Variants in F9 observed in about 807,000 individuals in gnomAD.
F9 encodes the protein Christmas factor.
F9 carries 2 observed loss-of-function variants against 34.1 expected under a neutral mutation model. The ratio of observed to expected loss-of-function variants is 0.06; its 90% confidence interval spans 0.02 to 0.18. The LOEUF (loss-of-function observed/expected upper bound fraction) is 0.18, where lower values mean the gene tolerates loss of function less well. Among genes scored for constraint, F9 ranks in the 10% least tolerant of loss-of-function variants. The pLI is 1.00. For synonymous variants in F9, 137 were observed against 118.8 expected (o/e 1.15, Z -1.00); for missense variants, 216 against 345.1 (o/e 0.63, Z 2.96).
At chrX:139,558,041 T>G (rs1027289849) in intron 6 of F9, among the ~76,000 whole-genome samples, 4 of 112,693 alleles carry the variant, frequency 3.5e-5, no homozygotes, top group African/African-American at 9.7e-5. Context: ...CACCCCATGG[T>G]GCCCAGACAT....
At chrX:139,551,552 G>C (rs756750901) in intron 6 of F9, among the ~76,000 whole-genome samples, 12 of 111,392 alleles carry the variant, frequency 1.1e-4, no homozygotes, top group African/African-American at 3.6e-4. Context: ...AAGAAAGGTC[G>C]CAGGTACTCA....
chrX:139,553,466 C>G (rs1413960401), intron 6 of F9, among the ~76,000 whole-genome samples: 1 of 111,612 alleles, frequency 9.0e-6, no homozygotes, highest in Non-Finnish European at 1.9e-5. Flanking sequence ...ATGGTTACAA[C>G]AAAAGATCCT....
chrX:139,539,116 TAA>T (rs926697100), intron 3 of F9, among the ~76,000 whole-genome samples: 131 of 111,871 alleles, frequency 1.2e-3, no homozygotes, highest in African/African-American at 4.1e-3. Context: ...ACTCATCACA[TAA>T]AGAGCCTGGT....
intron 4 of F9, chrX:139,544,861 TTGTC>T (rs1927680125): frequency 8.9e-6 from 1 of 111,926 alleles, no homozygotes; most frequent in Non-Finnish European, 1.9e-5. Flanking sequence ...GTGAAAGAAT[TTGTC>T]TGTCAGTATC....
chrX:139,551,095 A>T lies in F9; in HGVS notation c.554A>T (p.Gln185Leu). The T allele has an allele frequency of 8.3e-7, 1 of 1,211,779 alleles. No individual in the cohort carries two copies. Among genetic ancestry groups the T allele is most frequent in the Non-Finnish European group, 1.1e-6 (1 of 895,410 alleles). Residue 185 changes from glutamine to leucine, a missense_variant, in exon 6 of 8, where the codon CAA (glutamine) becomes CTA (leucine). Around this residue, in one of 2 missense-constraint regions of F9, gnomAD observed 177 missense variants for 311.8 expected, o/e 0.57. Transcript: ENST00000218099. ...CCATGTGGAAGAGTTTCTGTTTCAC[A>T]AACTTCTAAGCTCACCCGTGCTGAG... ...PFPCGRVSVS[Q>L]TSKLTRAETV...
chrX:139,542,337 C>T (rs73634049), intron 4 of F9, among the ~76,000 whole-genome samples: 32 of 112,100 alleles, frequency 2.9e-4, no homozygotes, highest in African/African-American at 1.0e-3. Flanking sequence ...AGTGAATGAA[C>T]TTGCACACCT....
At chrX:139,533,638 T>C (rs1927392981) in intron 1 of F9, among the ~76,000 whole-genome samples, 2 of 112,072 alleles carry the variant, frequency 1.8e-5, no homozygotes, top group South Asian at 7.5e-4. Context: ...AGCATGGATA[T>C]TGTGATACCT....
chrX:139,540,928 A>G, intron 3 of F9, 148 bp from the exon 4 acceptor site: 1 of 372,506 alleles, frequency 2.7e-6, no homozygotes, highest in South Asian at 3.2e-5. Flanking sequence ...AGACAGGAGC[A>G]TCATATGCCT....
chrX:139,557,443 A>G (rs953092420), intron 6 of F9, among the ~76,000 whole-genome samples: 4 of 111,881 alleles, frequency 3.6e-5, no homozygotes, highest in Non-Finnish European at 5.6e-5. Flanking sequence ...GAACACAACC[A>G]TATTTCTTAG....
At chrX:139,535,894 C>T (rs4149678) in intron 1 of F9, among the ~76,000 whole-genome samples, 1,205 of 110,369 alleles carry the variant, frequency 0.011, 19 homozygotes, top group African/African-American at 0.038. Context: ...TTACTACATA[C>T]CTAGGTTGTA....
At chrX:139,536,875 T>A (rs1161818626) in intron 1 of F9, 135 bp from the exon 2 acceptor site, 1 of 553,457 alleles carries the variant, frequency 1.8e-6, no homozygotes, top group Non-Finnish European at 3.0e-6. Context: ...CATCACAGAT[T>A]TTGGCTCCAT....
At chrX:139,552,422 T>C (rs1603266016) in intron 6 of F9, among the ~76,000 whole-genome samples, 1 of 111,949 alleles carries the variant, frequency 8.9e-6, no homozygotes, top group African/African-American at 3.2e-5. Context: ...TAACTTAGCC[T>C]ACAGCTGAAG....
At chrX:139,546,169 C>A (rs1433534793) in intron 4 of F9, among the ~76,000 whole-genome samples, 1 of 111,616 alleles carries the variant, frequency 9.0e-6, no homozygotes. Context: ...AAGTGAGAAC[C>A]TGCAGTATTT....
chrX:139,561,171 G>A (rs779917099), intron 7 of F9, among the ~76,000 whole-genome samples: 1 of 111,489 alleles, frequency 9.0e-6, no homozygotes, highest in African/African-American at 3.3e-5. Context: ...CCTGTAGCAG[G>A]TCCTCAGAAA....
At chrX:139,551,892 T>G (rs1927853446) in intron 6 of F9, among the ~76,000 whole-genome samples, 1 of 111,867 alleles carries the variant, frequency 8.9e-6, no homozygotes, top group Non-Finnish European at 1.9e-5. Context: ...TGATGCACAT[T>G]ATAGTTTGAA....
chrX:139,555,496 TG>T (rs1927948220), intron 6 of F9, among the ~76,000 whole-genome samples: 1 of 112,863 alleles, frequency 8.9e-6, no homozygotes, highest in South Asian at 3.6e-4. Context: ...GGCCCCATCC[TG>T]TTTGCTACCT....
chrX:139,532,521 G>A (rs991349779), intron 1 of F9, among the ~76,000 whole-genome samples: 2 of 111,501 alleles, frequency 1.8e-5, no homozygotes, highest in Admixed American at 9.6e-5. Flanking sequence ...ATGGTGCCAG[G>A]TACTGTGTCA....
intron 3 of F9, 102 bp downstream of exon 3, chrX:139,537,488 G>T (rs757175658): frequency 1.4e-6 from 1 of 707,148 alleles, no homozygotes; most frequent in Admixed American, 2.5e-5. Flanking sequence ...TTTGTCAAAA[G>T]GACTCAGAAA....
At chrX:139,539,956 AAGG>A (rs1927566181) in intron 3 of F9, among the ~76,000 whole-genome samples, 1 of 111,747 alleles carries the variant, frequency 8.9e-6, no homozygotes, top group African/African-American at 3.3e-5. Context: ...ACCAGATGTC[AAGG>A]AGATTTGCTT....
Sources: gnomAD v4.1 joint callset for allele counts (sites outside exome capture counted in the v4.1 genomes callset) on GRCh38, gnomAD v4.1.1 for gene constraint, gnomAD v4.1.1 regional missense constraint, MANE v1.5 for transcripts, NCBI Gene and HGNC (gene_info 2026-07-23, HGNC 2026-07-21) for gene names.